HPSE2: variants seen among roughly 807,000 people sequenced by gnomAD.
The protein encoded by HPSE2 is inactive heparanase-2.
HPSE2 carries 38 observed loss-of-function variants against 60.5 expected under a neutral mutation model. The ratio of observed to expected loss-of-function variants is 0.63; its 90% CI spans 0.48 to 0.82. HPSE2 has a LOEUF of 0.82. HPSE2 is among the 40% of genes least tolerant of loss of function. The probability of loss-of-function intolerance (pLI) is 0.00; values close to 1 mark genes in which losing one functional copy is unlikely to be tolerated. For synonymous variants in HPSE2, 295 were observed against 293.2 expected (o/e 1.01, Z -0.06); for missense variants, 713 against 740.4 (o/e 0.96, Z 0.43).
At chr10:98,952,314 T>TTGTGTGTG (rs59116303) in intron 3 of HPSE2, among the ~76,000 whole-genome samples, 1,746 of 137,482 alleles carry the variant, frequency 0.013, 20 homozygotes, top group Non-Finnish European at 0.015. Context: ...AAGAATTTGT[T>TTGTGTGTG]TGTGTGTGTG....
At chr10:99,107,772 T>C (rs553604598) in intron 3 of HPSE2, among the ~76,000 whole-genome samples, 1 of 152,302 alleles carries the variant, frequency 6.6e-6, no homozygotes, top group African/African-American at 2.4e-5. Flanking sequence ...TTTCTGAACT[T>C]CTAGATGAAC....
chr10:99,117,367 A>G (rs1442069475), intron 3 of HPSE2, among the ~76,000 whole-genome samples: 12 of 138,578 alleles, frequency 8.7e-5, no homozygotes, highest in South Asian at 5.2e-4. Context: ...AAGGAGACTG[A>G]GACATAAAAA....
intron 2 of HPSE2, among the ~76,000 whole-genome samples, chr10:99,152,833 G>A (rs557829662): frequency 6.6e-6 from 1 of 152,344 alleles, no homozygotes; most frequent in Admixed American, 6.5e-5. Flanking sequence ...ATTTCCATCT[G>A]AGGTACCGGG....
chr10:99,113,317 A>G (rs576992150), intron 3 of HPSE2, among the ~76,000 whole-genome samples: 16 of 152,156 alleles, frequency 1.1e-4, no homozygotes, highest in Non-Finnish European at 1.8e-4. Flanking sequence ...ATCCAAACCT[A>G]CGTCTGTTTA....
intron 2 of HPSE2, among the ~76,000 whole-genome samples, chr10:99,224,330 C>T (rs1457923197): frequency 6.6e-6 from 1 of 151,916 alleles, no homozygotes; most frequent in Non-Finnish European, 1.5e-5. Context: ...TATGTCTTCA[C>T]TTTGCCTAAA....
chr10:98,590,405 T>A (rs1945057253), intron 9 of HPSE2, among the ~76,000 whole-genome samples: 1 of 152,246 alleles, frequency 6.6e-6, no homozygotes, highest in South Asian at 2.1e-4. Context: ...ATTGCACCAC[T>A]GCACTCCAGC....
the HPSE2 span, among the ~76,000 whole-genome samples, chr10:99,313,591 A>ATTT: frequency 1.5e-4 from 10 of 66,008 alleles, no homozygotes; most frequent in Non-Finnish European, 1.5e-4. Context: ...GACTGACTCC[A>ATTT]ATTTTTTTTT....
intron 3 of HPSE2, among the ~76,000 whole-genome samples, chr10:98,986,056 C>A (rs184308871): frequency 9.2e-5 from 14 of 152,236 alleles, no homozygotes; most frequent in African/African-American, 2.6e-4. Context: ...GACTTTAACA[C>A]CCCACTGTCG....
At chr10:99,303,784 C>T in the HPSE2 span, among the ~76,000 whole-genome samples, 2 of 152,146 alleles carry the variant, frequency 1.3e-5, no homozygotes, top group African/African-American at 4.8e-5. Context: ...TTTAATTTTG[C>T]TCTTCTTCCT....
intron 9 of HPSE2, among the ~76,000 whole-genome samples, chr10:98,527,340 C>T (rs918562656): frequency 6.6e-6 from 1 of 152,182 alleles, no homozygotes; most frequent in African/African-American, 2.4e-5. Flanking sequence ...AATCAAGCTC[C>T]TTATGGTGAT....
intron 3 of HPSE2, among the ~76,000 whole-genome samples, chr10:98,825,357 A>G (rs2134630308): frequency 6.6e-6 from 1 of 152,240 alleles, no homozygotes; most frequent in East Asian, 1.9e-4. Flanking sequence ...TTATTTGAGA[A>G]AAGGCTGGAG....
chr10:98,767,758 T>C (rs1360710503), intron 3 of HPSE2, among the ~76,000 whole-genome samples: 2 of 145,600 alleles, frequency 1.4e-5, no homozygotes, highest in Non-Finnish European at 3.0e-5. Context: ...CAATACTATA[T>C]AGTTATATAT....
chr10:98,722,931 CT>C (rs1374654572), intron 4 of HPSE2, among the ~76,000 whole-genome samples: 1 of 152,172 alleles, frequency 6.6e-6, no homozygotes, highest in Admixed American at 6.5e-5. Flanking sequence ...TTGACTTCCT[CT>C]TTTCCTAATT....
At chr10:98,854,100 C>T (rs1015939560) in intron 3 of HPSE2, among the ~76,000 whole-genome samples, 1 of 152,122 alleles carries the variant, frequency 6.6e-6, no homozygotes, top group Admixed American at 6.6e-5. Flanking sequence ...AGAAGATCTA[C>T]AGTTAAGAAT....
chr10:98,926,170 A>G (rs72836763), intron 3 of HPSE2, among the ~76,000 whole-genome samples: 1 of 152,188 alleles, frequency 6.6e-6, no homozygotes, highest in Non-Finnish European at 1.5e-5. Context: ...TTGTATGGCC[A>G]TAGTAACTTA....
chr10:99,022,165 C>T (rs1179275034), intron 3 of HPSE2, among the ~76,000 whole-genome samples: 1 of 151,506 alleles, frequency 6.6e-6, no homozygotes, highest in African/African-American at 2.4e-5. Context: ...CAGCTTGGTG[C>T]AGAGAGTTTC....
At position 99,184,817 on chromosome 10, in the gene HPSE2, T is replaced by TAC. The variant is rs1554912270; in HGVS notation, c.449-40419_449-40418insGT. On this transcript the variant is annotated intron_variant, in intron 2 of 11. Transcript: ENST00000370552. ...ATATATATATATATATATATATATATATAGAGAGAGAGAGAGAGAGAGAGA... is the reference window on the plus strand; with the variant it reads ...ATATATATATATATATATATATATATACATAGAGAGAGAGAGAGAGAGAGAGA... Among the ~76,000 whole-genome samples the TAC allele has an allele frequency of 4.2e-3, 73 of 17,200 alleles. 12 individuals are homozygous for TAC. In the South Asian group the frequency reaches 0.043, roughly 10 times the overall value. The allele number at this position is 17,200 out of a possible 152,430, so 11.3% of individuals were successfully genotyped here.
intron 3 of HPSE2, among the ~76,000 whole-genome samples, chr10:98,755,550 C>A (rs1024600357): frequency 2.0e-5 from 3 of 152,322 alleles, no homozygotes; most frequent in Non-Finnish European, 2.9e-5. Flanking sequence ...CTCCACCCAA[C>A]AACAACGGAA....
At chr10:98,535,684 T>C (rs1943260881) in intron 9 of HPSE2, among the ~76,000 whole-genome samples, 1 of 152,224 alleles carries the variant, frequency 6.6e-6, no homozygotes, top group South Asian at 2.1e-4. Flanking sequence ...GTAACTACTC[T>C]AGCCCAGGAG....
Sources: gnomAD v4.1 joint callset for allele counts (sites outside exome capture counted in the v4.1 genomes callset) on GRCh38, gnomAD v4.1.1 for gene constraint, MANE v1.5 for transcripts, NCBI Gene and HGNC (gene_info 2026-07-23, HGNC 2026-07-21) for gene names.